Variants in RAB40B observed in about 807,000 individuals in gnomAD.
The protein encoded by RAB40B is ras-related protein Rab-40B.
A neutral mutation model predicts 24.0 loss-of-function variants in RAB40B; 21 were observed. The ratio of observed to expected loss-of-function variants is 0.88; its 90% CI spans 0.62 to 1.26. RAB40B has a LOEUF of 1.26. RAB40B is among the 50% of genes most tolerant of loss of function. RAB40B has a pLI of 0.00. For synonymous variants in RAB40B, 167 were observed against 169.8 expected, an observed-to-expected ratio of 0.98 and a Z score of 0.13; for missense variants, 348 against 390.5, an observed-to-expected ratio of 0.89 and a Z score of 0.92.
At chr17:82,664,201 G>A (rs1162674707) in intron 2 of RAB40B, among the ~76,000 whole-genome samples, 3 of 137,244 alleles carry the variant, frequency 2.2e-5, no homozygotes, top group Non-Finnish European at 4.6e-5. Flanking sequence ...GGGGAAGGGT[G>A]CTCCCTGGGG....
At chr17:82,669,066 G>A (rs750348603) in intron 1 of RAB40B, among the ~76,000 whole-genome samples, 1 of 152,230 alleles carries the variant, frequency 6.6e-6, no homozygotes, top group African/African-American at 2.4e-5. Flanking sequence ...AGCCAGGCAC[G>A]GTGGCTCACG....
chr17:82,674,210 G>T (rs899592792), intron 1 of RAB40B, among the ~76,000 whole-genome samples: 3 of 152,008 alleles, frequency 2.0e-5, no homozygotes, highest in Admixed American at 6.6e-5. Flanking sequence ...TGTGGTGGCG[G>T]GTGCCTGTAA....
intron 1 of RAB40B, among the ~76,000 whole-genome samples, chr17:82,674,448 G>A (rs533707101): frequency 1.0e-4 from 15 of 147,906 alleles, no homozygotes; most frequent in African/African-American, 3.0e-4. Flanking sequence ...TGGCTAACAG[G>A]GTGAAACCCC....
Position 82,657,917 on chromosome 17 carries a change from G to GGGGGCC in RAB40B, c.782_783insGGCCCC (p.Arg261_Pro262insAlaPro). ...AGTTTTTGGGGGGGCTCTGGGGGGGGCGGACGAGCTTCACTTTGCGGAGGC... is the reference window on the plus strand; with the variant it reads ...AGTTTTTGGGGGGGCTCTGGGGGGGGGGGGCCCGGACGAGCTTCACTTTGCGGAGGC... On this transcript the variant is annotated inframe_insertion, in exon 6 of 6. Transcript: ENST00000571995. 9.7e-7 allele frequency: 1 copy of GGGGGCC among 1,026,088 alleles called. No individual in the cohort carries two copies. The highest frequency in any genetic ancestry group is 1.5e-6 in the Non-Finnish European group (1 of 685,616). 63.6% of individuals were successfully genotyped at this position (1,026,088 alleles called of 1,614,324 possible).
intron 1 of RAB40B, among the ~76,000 whole-genome samples, chr17:82,684,922 T>C (rs756546127): frequency 5.3e-5 from 8 of 151,964 alleles, no homozygotes; most frequent in Non-Finnish European, 5.9e-5. Flanking sequence ...GAGACCAGCC[T>C]GGCCAATATG....
chr17:82,658,268 G>T (rs2046112126), intron 5 of RAB40B, 134 bp from the exon 6 acceptor site: 3 of 1,276,024 alleles, frequency 2.4e-6, no homozygotes, highest in Non-Finnish European at 2.1e-6. Flanking sequence ...CATGCAGCAA[G>T]CCCTGCCGCG....
rs532365899 is a variant in RAB40B at position 82,685,137 on chromosome 17, A to C, written c.142+13318T>G. On this transcript the variant is annotated intron_variant, in intron 1 of 5. Coordinates refer to ENST00000571995, the MANE Select transcript of RAB40B (RefSeq NM_006822.3). Reference sequence around the variant, plus strand: ...TCAAAAAAGGAAAAAAAAAACAAAAAAACTCAAGAAGGGAGACATTTTACT... The same window carrying C: ...TCAAAAAAGGAAAAAAAAAACAAAACAACTCAAGAAGGGAGACATTTTACT... Among the ~76,000 whole-genome samples the C allele has an allele frequency of 2.3e-4, 34 of 150,834 alleles. No homozygotes were observed. In the South Asian group the frequency reaches 7.2e-3, roughly 32 times the overall value.
rs997583378 is a variant in RAB40B, at chr17:82,663,064, G to A, written c.203+1432C>T. Among the ~76,000 whole-genome samples, 1 of 152,148 alleles carries A rather than the reference G, an allele frequency of 6.6e-6. No individual in the cohort carries two copies. The highest frequency in any genetic ancestry group is 1.5e-5 in the Non-Finnish European group (1 of 68,010). On this transcript the variant is annotated intron_variant, in intron 2 of 5. Transcript: ENST00000571995. The surrounding 1 kb of genome is among the most constrained non-coding windows in gnomAD (Gnocchi z 6.2). Reference sequence around the variant, plus strand: ...AAAGGCCCAGCTGGCGGAGGGTGGGGAGCAGGACAGGGGCTGACGGCAACC... The same window carrying A: ...AAAGGCCCAGCTGGCGGAGGGTGGGAAGCAGGACAGGGGCTGACGGCAACC...
intron 1 of RAB40B, chr17:82,668,237 G>T (rs908725416): frequency 2.0e-4 from 31 of 154,506 alleles, no homozygotes; most frequent in Admixed American, 1.2e-3. Context: ...GTGGTCTTCA[G>T]GGTGGGGAAG....
chr17:82,696,126 T>A (rs1199668318), intron 1 of RAB40B, among the ~76,000 whole-genome samples: 1 of 152,102 alleles, frequency 6.6e-6, no homozygotes, highest in Non-Finnish European at 1.5e-5. Flanking sequence ...CGCCTTGGCC[T>A]CCCAAAGCCG....
intron 1 of RAB40B, among the ~76,000 whole-genome samples, chr17:82,694,745 C>G (rs2046591699): frequency 6.6e-6 from 1 of 151,790 alleles, no homozygotes; most frequent in South Asian, 2.1e-4. Context: ...TCAGGCTTCC[C>G]CACAGCACAT....
rs1389091609 is a variant in RAB40B, at chr17:82,667,266, G to A, written c.143-2710C>T. ...AGTTCCTGGTCTCCTGTCGGGCAGA[G>A]CGAGGTGTGCAGTGGCGGTGCCACC... On this transcript the variant is annotated intron_variant, in intron 1 of 5. Transcript: ENST00000571995. The surrounding 1 kb of genome is among the most constrained non-coding windows in gnomAD (Gnocchi z 4.3). Among the ~76,000 whole-genome samples the A allele has an allele frequency of 6.6e-6, 1 of 152,252 alleles. No individual in the cohort carries two copies. The highest frequency in any genetic ancestry group is 6.5e-5 in the Admixed American group (1 of 15,286).
intron 1 of RAB40B, among the ~76,000 whole-genome samples, chr17:82,678,662 G>C (rs571402806): frequency 1.3e-5 from 2 of 152,238 alleles, no homozygotes; most frequent in East Asian, 3.9e-4. Context: ...GTCTTATGTT[G>C]AGTTAAAACA....
intron 1 of RAB40B, among the ~76,000 whole-genome samples, chr17:82,666,056 G>GCACCTGCCACCGCACCTGCCACCA (rs1261896603): frequency 4.0e-5 from 6 of 149,844 alleles, no homozygotes; most frequent in Non-Finnish European, 7.4e-5. Context: ...ACCTGCCACC[G>GCACCTGCCACCGCACCTGCCACCA]CACCTGCCAC....
rs1216243594 is a variant in RAB40B at position 82,663,663 on chromosome 17, A to C, written c.203+833T>G. Among the ~76,000 whole-genome samples the C allele has an allele frequency of 6.6e-6, 1 of 151,966 alleles. No homozygotes were observed. The highest frequency in any genetic ancestry group is 1.5e-5 in the Non-Finnish European group (1 of 67,966). ...CCCCACGTCTGGGTCCTCCACCCGCAGGCCCGACCACAGCCCCGCTGGCAC... is the reference window on the plus strand; with the variant it reads ...CCCCACGTCTGGGTCCTCCACCCGCCGGCCCGACCACAGCCCCGCTGGCAC... On this transcript the variant is annotated intron_variant, in intron 2 of 5. Transcript: ENST00000571995. This position sits in a 1 kb window ranked among gnomAD's most constrained non-coding sequence, Gnocchi z 6.2.
intron 1 of RAB40B, among the ~76,000 whole-genome samples, chr17:82,681,645 T>C (rs987933255): frequency 6.6e-6 from 1 of 152,072 alleles, no homozygotes; most frequent in African/African-American, 2.4e-5. Context: ...AGTAAAAATA[T>C]AAAGTAAAAG....
chr17:82,691,393 C>A (rs567220669), intron 1 of RAB40B, among the ~76,000 whole-genome samples: 23 of 152,128 alleles, frequency 1.5e-4, no homozygotes, highest in South Asian at 8.3e-4. Context: ...CACCAATAAA[C>A]ATGTGCAAAA....
chr17:82,657,180 G>T lies in RAB40B; in HGVS notation c.*683C>A. On this transcript the variant is annotated 3_prime_UTR_variant, in exon 6 of 6. Coordinates refer to ENST00000571995, the MANE Select transcript of RAB40B (RefSeq NM_006822.3). ...TTCCTTGACATGTCGAAACTGTGCT[G>T]GCTGTGTTCAACATAACTAGAGGTA... 1 of 159,956 alleles carries T rather than the reference G, an allele frequency of 6.3e-6. No homozygotes were observed. Among genetic ancestry groups the T allele is most frequent in the Non-Finnish European group, 1.4e-5 (1 of 72,452 alleles). The allele number at this position is 159,956 out of a possible 1,614,324, so 9.9% of individuals were successfully genotyped here. A position where few individuals can be genotyped will look rare whatever the true frequency, so the allele number is the denominator to read the frequency against.
chr17:82,665,500 C>T (rs1488032675), intron 1 of RAB40B, among the ~76,000 whole-genome samples: 2 of 152,120 alleles, frequency 1.3e-5, no homozygotes, highest in South Asian at 2.1e-4. Flanking sequence ...ACAATCTGCC[C>T]GGCTCAGCCT....
Sources: allele counts gnomAD v4.1 joint callset (sites outside exome capture counted in the v4.1 genomes callset), GRCh38; gene constraint gnomAD v4.1.1; non-coding constraint Gnocchi (gnomAD v3.1); transcripts MANE v1.5; gene names NCBI Gene and HGNC (gene_info 2026-07-23, HGNC 2026-07-21).